PBX1: variants seen among roughly 807,000 people sequenced by gnomAD.
The protein encoded by PBX1 is pre-B-cell leukemia transcription factor 1.
In PBX1, 6 loss-of-function variants were observed where a neutral mutation model predicts 53.4. That is an observed-to-expected ratio of 0.11 (90% CI 0.06 to 0.22). The LOEUF is 0.22. Among genes scored for constraint, PBX1 ranks in the 10% least tolerant of loss-of-function variants. The probability of loss-of-function intolerance (pLI) is 1.00; values close to 1 mark genes in which losing one functional copy is unlikely to be tolerated. For synonymous variants in PBX1, 204 were observed against 212.3 expected, an observed-to-expected ratio of 0.96 and a Z score of 0.34; for missense variants, 251 against 551.4, an observed-to-expected ratio of 0.46 and a Z score of 5.46.
intron 2 of PBX1, among the ~76,000 whole-genome samples, chr1:164,675,329 C>G (rs975418750): frequency 6.6e-6 from 1 of 152,164 alleles, no homozygotes; most frequent in Non-Finnish European, 1.5e-5. Flanking sequence ...TTACCATTCA[C>G]TTAAGAAGTA....
chr1:164,772,146 A>G (rs578018042), intron 2 of PBX1, among the ~76,000 whole-genome samples: 1 of 152,370 alleles, frequency 6.6e-6, no homozygotes, highest in Non-Finnish European at 1.5e-5. Flanking sequence ...AATGCAAAAG[A>G]AAGATTCCTG....
At chr1:164,797,539 A>G (rs960083674) in intron 3 of PBX1, among the ~76,000 whole-genome samples, 3 of 152,120 alleles carry the variant, frequency 2.0e-5, no homozygotes, top group African/African-American at 7.2e-5. Context: ...GCACTTTTCC[A>G]TGGAGAGTGG....
At position 164,661,013 on chromosome 1, in the gene PBX1, C is replaced by T. The variant is rs927367609; in HGVS notation, c.265+97702C>T. ...ATTGCCAGCTGATCACAGCTGAAGC[C>T]AACAGCTGATCACATCTGAAGGCAA... On this transcript the variant is annotated intron_variant, in intron 2 of 8. Coordinates refer to ENST00000420696, the MANE Select transcript of PBX1 (RefSeq NM_002585.4). 6.2e-4 allele frequency among the ~76,000 whole-genome samples: 95 copies of T among 152,296 alleles called. 1 individual carries two copies. The highest frequency in any genetic ancestry group is 2.1e-3 in the African/African-American group (87 of 41,578).
intron 6 of PBX1, chr1:164,819,247 G>A (rs1018250280): frequency 6.6e-6 from 1 of 152,150 alleles, no homozygotes; most frequent in Non-Finnish European, 1.5e-5. Context: ...CTAACTCACT[G>A]GATGATGCTT....
At chr1:164,580,243 A>C (rs1654516863) in intron 2 of PBX1, among the ~76,000 whole-genome samples, 1 of 152,182 alleles carries the variant, frequency 6.6e-6, no homozygotes, top group Admixed American at 6.5e-5. Flanking sequence ...CCTGATTTTC[A>C]TTAGGCCTCT....
In PBX1 at chr1:164,848,177, C is replaced by T; in HGVS notation, c.*1501C>T. 2 of 1,049,456 alleles carry T rather than the reference C, an allele frequency of 1.9e-6. No individual in the cohort carries two copies. The highest frequency in any genetic ancestry group is 9.2e-5 in the South Asian group (2 of 21,814). 65.0% of individuals were successfully genotyped at this position (1,049,456 alleles called of 1,614,324 possible). A position where few individuals can be genotyped will look rare whatever the true frequency, so the allele number is the denominator to read the frequency against. On this transcript the variant is annotated 3_prime_UTR_variant, in exon 9 of 9. Transcript: ENST00000420696. Reference sequence around the variant, plus strand: ...TGAAATCATCACAGTGATTTTTATTCCCTGGGAACACAGCGTGTACTAAAA... The same window carrying T: ...TGAAATCATCACAGTGATTTTTATTTCCTGGGAACACAGCGTGTACTAAAA...
chr1:164,799,360 G>A (rs957046732), intron 3 of PBX1, among the ~76,000 whole-genome samples: 6 of 152,022 alleles, frequency 3.9e-5, no homozygotes, highest in African/African-American at 1.2e-4. Flanking sequence ...GCGTGGTGGC[G>A]GGCGCCTGTA....
intron 2 of PBX1, among the ~76,000 whole-genome samples, chr1:164,738,951 T>G (rs749193447): frequency 5.9e-5 from 9 of 152,236 alleles, no homozygotes; most frequent in Non-Finnish European, 1.0e-4. Flanking sequence ...CTATTATTTA[T>G]GTAAATTATA....
chr1:164,706,598 A>G (rs1223707934), intron 2 of PBX1, among the ~76,000 whole-genome samples: 1 of 152,196 alleles, frequency 6.6e-6, no homozygotes, highest in Non-Finnish European at 1.5e-5. Context: ...TATATGATAT[A>G]CCTTTTTTTG....
chr1:164,559,948 C>T lies in PBX1; in HGVS notation c.126C>T (p.Asp42=), dbSNP rs144593424. 6.5e-6 allele frequency: 10 copies of T among 1,543,008 alleles called. No homozygotes were observed. In the African/African-American group the frequency reaches 1.4e-4, roughly 21 times the overall value. ...GTEGEGGRKQ[D]IGDILQQIMT... ...AGGGGGAGGGCGGGAGGAAGCAGGACATTGGAGACATTTTACAGCAAATTA... is the reference window on the plus strand; with the variant it reads ...AGGGGGAGGGCGGGAGGAAGCAGGATATTGGAGACATTTTACAGCAAATTA... Residue 42 remains aspartate (D), a synonymous_variant, in exon 1 of 9, where the codon GAC becomes GAT. Coordinates refer to ENST00000420696, the MANE Select transcript of PBX1 (RefSeq NM_002585.4).
chr1:164,583,247 A>G (rs578000809), intron 2 of PBX1, among the ~76,000 whole-genome samples: 1 of 151,934 alleles, frequency 6.6e-6, no homozygotes, highest in Admixed American at 6.6e-5. Flanking sequence ...CACCTTTTAG[A>G]ATTTGGGGTT....
At chr1:164,656,359 A>G (rs1660162579) in intron 2 of PBX1, among the ~76,000 whole-genome samples, 1 of 152,210 alleles carries the variant, frequency 6.6e-6, no homozygotes. Flanking sequence ...TCAGGAGGCA[A>G]ATGTTCAGTA....
At chr1:164,705,494 T>A (rs1780367) in intron 2 of PBX1, among the ~76,000 whole-genome samples, 35,090 of 152,172 alleles carry the variant, frequency 0.23, 4,306 homozygotes, top group East Asian at 0.45. Flanking sequence ...TATCACTATG[T>A]GGAAGGAGAT....
At chr1:164,707,680 G>C (rs1780366) in intron 2 of PBX1, among the ~76,000 whole-genome samples, 36,533 of 152,038 alleles carry the variant, frequency 0.24, 4,680 homozygotes, top group East Asian at 0.46. Flanking sequence ...AAAAGAAAAG[G>C]AAAGGAAGAT....
intron 8 of PBX1, among the ~76,000 whole-genome samples, chr1:164,825,530 A>G (rs1464460813): frequency 1.3e-5 from 2 of 152,230 alleles, no homozygotes; most frequent in Non-Finnish European, 2.9e-5. Context: ...GCTATAAAGT[A>G]TCTGATGAGA....
intron 2 of PBX1, among the ~76,000 whole-genome samples, chr1:164,626,715 G>A (rs370408967): frequency 6.6e-6 from 1 of 152,060 alleles, no homozygotes; most frequent in South Asian, 2.1e-4. Flanking sequence ...AGAATGCCTC[G>A]TCTATGTATG....
At chr1:164,718,828 A>G (rs1664255721) in intron 2 of PBX1, among the ~76,000 whole-genome samples, 1 of 152,216 alleles carries the variant, frequency 6.6e-6, no homozygotes, top group African/African-American at 2.4e-5. Context: ...CTGTTTCAGA[A>G]TTTTAGATTT....
intron 8 of PBX1, among the ~76,000 whole-genome samples, chr1:164,839,566 G>A (rs1231208878): frequency 6.6e-6 from 1 of 152,190 alleles, no homozygotes; most frequent in African/African-American, 2.4e-5. Context: ...GCTGGGCCTT[G>A]AAAGATGACA....
intron 6 of PBX1, chr1:164,818,466 C>T (rs967488419): frequency 6.6e-6 from 1 of 152,154 alleles, no homozygotes; most frequent in African/African-American, 2.4e-5. Context: ...TGGCATAGTC[C>T]TTTGGTTGAT....
Sources: allele counts gnomAD v4.1 joint callset (sites outside exome capture counted in the v4.1 genomes callset), GRCh38; gene constraint gnomAD v4.1.1; transcripts MANE v1.5; gene names NCBI Gene and HGNC (gene_info 2026-07-23, HGNC 2026-07-21).